The following PDE1C variants were observed in gnomAD, a reference collection of about 807,000 sequenced individuals.
PDE1C encodes the protein dual specificity calcium/calmodulin-dependent 3',5'-cyclic nucleotide phosphodiesterase 1C.
In PDE1C, 62 loss-of-function variants were observed where a neutral mutation model predicts 93.1. That is an observed-to-expected ratio of 0.67 (90% confidence interval 0.54 to 0.82). PDE1C has a LOEUF of 0.82. Among genes scored for constraint, PDE1C ranks in the 40% least tolerant of loss-of-function variants. PDE1C has a pLI of 0.00. For synonymous variants in PDE1C, 325 were observed against 310.1 expected (o/e 1.05, Z -0.50); for missense variants, 742 against 884.6 (o/e 0.84, Z 2.04).
At chr7:32,246,732 G>A (rs1808986475) in intron 1 of PDE1C, among the ~76,000 whole-genome samples, 2 of 152,214 alleles carry the variant, frequency 1.3e-5, no homozygotes, top group African/African-American at 4.8e-5. Flanking sequence ...TATCAGCTGT[G>A]TGACCTCAGC....
At chr7:32,176,472 T>C (rs1224529696) in intron 2 of PDE1C, among the ~76,000 whole-genome samples, 2 of 152,210 alleles carry the variant, frequency 1.3e-5, no homozygotes, top group Non-Finnish European at 2.9e-5. Flanking sequence ...TTCACATTTG[T>C]ATATAGTTTT....
At chr7:31,915,583 T>G (rs561064436) in intron 2 of PDE1C, among the ~76,000 whole-genome samples, 1 of 152,186 alleles carries the variant, frequency 6.6e-6, no homozygotes, top group Non-Finnish European at 1.5e-5. Context: ...TTATCTGGGT[T>G]TAGTTAGCCT....
chr7:32,173,822 T>C (rs1454818981), intron 2 of PDE1C, among the ~76,000 whole-genome samples: 1 of 152,118 alleles, frequency 6.6e-6, no homozygotes, highest in East Asian at 1.9e-4. Flanking sequence ...CCAGGAAGAC[T>C]GAAAGAACCT....
At chr7:31,892,792 A>G (rs1168457627) in intron 2 of PDE1C, among the ~76,000 whole-genome samples, 1 of 152,182 alleles carries the variant, frequency 6.6e-6, no homozygotes, top group African/African-American at 2.4e-5. Flanking sequence ...ATGTTAATCA[A>G]AGGGTACAAA....
intron 1 of PDE1C, among the ~76,000 whole-genome samples, chr7:32,227,231 C>A (rs1049971575): frequency 1.3e-5 from 2 of 152,044 alleles, no homozygotes. Flanking sequence ...AAAGCTGCTC[C>A]AAAATAATAC....
chr7:31,732,214 C>G, the PDE1C span, among the ~76,000 whole-genome samples: 2 of 152,298 alleles, frequency 1.3e-5, no homozygotes, highest in South Asian at 2.1e-4. Context: ...TGTGGTGGTA[C>G]CAGCTGAATT....
At chr7:31,846,072 G>T (rs1207606627) in intron 9 of PDE1C, among the ~76,000 whole-genome samples, 1 of 152,066 alleles carries the variant, frequency 6.6e-6, no homozygotes, top group African/African-American at 2.4e-5. Context: ...GGTTTTGAAG[G>T]ATTTGTGTGA....
intron 1 of PDE1C, among the ~76,000 whole-genome samples, chr7:32,215,774 C>T (rs1421070417): frequency 6.6e-6 from 1 of 152,234 alleles, no homozygotes; most frequent in Non-Finnish European, 1.5e-5. Context: ...ACCCAAAACA[C>T]TGCCACCCCT....
chr7:31,651,342 AAC>A, the PDE1C span: 1 of 1,533,574 alleles, frequency 6.5e-7, no homozygotes, highest in African/African-American at 1.4e-5. Flanking sequence ...ATCAGGGCAG[AAC>A]AGAGGAGCAC....
At chr7:32,420,326 TG>T (rs1785394112) in intron 1 of PDE1C, among the ~76,000 whole-genome samples, 1 of 2,944 alleles carries the variant, frequency 3.4e-4, no homozygotes, top group South Asian at 0.011. Flanking sequence ...TATATATATG[TG>T]TATATATATA....
chr7:32,246,846 G>A (rs1345373095), intron 1 of PDE1C, among the ~76,000 whole-genome samples: 1 of 152,148 alleles, frequency 6.6e-6, no homozygotes. Flanking sequence ...ACAATACATA[G>A]CATGTAAGAT....
chr7:31,887,777 T>G (rs1037593656), intron 2 of PDE1C, among the ~76,000 whole-genome samples: 1 of 152,128 alleles, frequency 6.6e-6, no homozygotes, highest in Non-Finnish European at 1.5e-5. Flanking sequence ...AAACACAATT[T>G]TGTTATTGAT....
chr7:32,221,368 A>C (rs1299995527), intron 1 of PDE1C, among the ~76,000 whole-genome samples: 1 of 152,188 alleles, frequency 6.6e-6, no homozygotes, highest in Admixed American at 6.5e-5. Context: ...GAAGGCACCT[A>C]GGAGCCATTT....
intron 2 of PDE1C, among the ~76,000 whole-genome samples, chr7:31,935,580 T>C (rs1733083455): frequency 6.6e-6 from 1 of 152,122 alleles, no homozygotes; most frequent in Non-Finnish European, 1.5e-5. Context: ...CATTCATTCA[T>C]TTGCCAGCAC....
intron 2 of PDE1C, among the ~76,000 whole-genome samples, chr7:32,205,192 G>A (rs887366036): frequency 1.3e-5 from 2 of 152,124 alleles, no homozygotes; most frequent in African/African-American, 4.8e-5. Flanking sequence ...TCCTGTCAGG[G>A]GTCTCCTGGA....
intron 1 of PDE1C, among the ~76,000 whole-genome samples, chr7:32,349,943 T>A (rs1429340297): frequency 6.6e-6 from 1 of 152,220 alleles, no homozygotes; most frequent in Non-Finnish European, 1.5e-5. Flanking sequence ...TTGAATTTTT[T>A]AATCCCCTCT....
intron 16 of PDE1C, among the ~76,000 whole-genome samples, chr7:31,805,001 T>C (rs1427715034): frequency 1.3e-5 from 2 of 151,672 alleles, no homozygotes; most frequent in Non-Finnish European, 2.9e-5. Context: ...GGGGAGGTAA[T>C]TGCATTATGG....
chr7:31,643,331 C>T, the PDE1C span: 1 of 1,614,016 alleles, frequency 6.2e-7, no homozygotes, highest in Non-Finnish European at 8.5e-7. Context: ...CCTTATGCAA[C>T]TGACCTTGCT....
chr7:31,787,789 C>T (rs1202737536), intron 16 of PDE1C: 3 of 152,186 alleles, frequency 2.0e-5, no homozygotes, highest in African/African-American at 7.2e-5. Context: ...AGAAAATAAG[C>T]TAGAGCTTTG....
Sources: gnomAD v4.1 joint callset for allele counts (sites outside exome capture counted in the v4.1 genomes callset) on GRCh38, gnomAD v4.1.1 for gene constraint, MANE v1.5 for transcripts, NCBI Gene and HGNC (gene_info 2026-07-23, HGNC 2026-07-21) for gene names.